The following ZFAND3 variants were observed in gnomAD, a reference collection of about 807,000 sequenced individuals.
ZFAND3 encodes the protein zinc finger AN1-type containing 3.
A neutral mutation model predicts 29.6 loss-of-function variants in ZFAND3; 10 were observed. The ratio of observed to expected loss-of-function variants is 0.34; its 90% CI spans 0.21 to 0.57. The LOEUF is 0.57. ZFAND3 is among the 20% of genes least tolerant of loss of function. ZFAND3 has a pLI of 0.86. For missense variants in ZFAND3, 230 were observed against 304.5 expected (o/e 0.76, Z 1.82); for synonymous variants, 128 against 112.6 (o/e 1.14, Z -0.87).
At chr6:37,916,088 A>T (rs1252381491) in intron 1 of ZFAND3, among the ~76,000 whole-genome samples, 4 of 25,500 alleles carry the variant, frequency 1.6e-4, no homozygotes, top group Non-Finnish European at 3.3e-4. Flanking sequence ...TTTTTAACTT[A>T]AAAAAAAAAA....
At chr6:37,858,231 A>G (rs893808927) in intron 1 of ZFAND3, among the ~76,000 whole-genome samples, 2 of 152,204 alleles carry the variant, frequency 1.3e-5, no homozygotes, top group African/African-American at 4.8e-5. Flanking sequence ...GCCTGGCACA[A>G]TCAGAATATT....
At chr6:38,010,600 T>C in intron 2 of ZFAND3, among the ~76,000 whole-genome samples, 1 of 138,138 alleles carries the variant, frequency 7.2e-6, no homozygotes, top group East Asian at 2.0e-4. Context: ...GCCCCCAACC[T>C]TTTTTTTTTT....
chr6:38,037,549 AATTG>A (rs1763682934), intron 2 of ZFAND3, among the ~76,000 whole-genome samples: 1 of 152,242 alleles, frequency 6.6e-6, no homozygotes, highest in African/African-American at 2.4e-5. Flanking sequence ...AAAAGCATTT[AATTG>A]ATTGAAAAGC....
chr6:38,097,981 C>T (rs1044289971), intron 4 of ZFAND3, among the ~76,000 whole-genome samples: 2 of 152,184 alleles, frequency 1.3e-5, no homozygotes, highest in African/African-American at 4.8e-5. Context: ...CAGAAAGCCC[C>T]TTTGTCCTTT....
chr6:38,030,906 C>T (rs1378893527), intron 2 of ZFAND3, among the ~76,000 whole-genome samples: 1 of 152,122 alleles, frequency 6.6e-6, no homozygotes, highest in East Asian at 1.9e-4. Context: ...ATTCTAGTGT[C>T]TTCTGGAGTT....
intron 1 of ZFAND3, among the ~76,000 whole-genome samples, chr6:37,850,741 A>C (rs1764265382): frequency 6.6e-6 from 1 of 152,206 alleles, no homozygotes; most frequent in African/African-American, 2.4e-5. Context: ...TTCAGAACAT[A>C]TTCCCATTGT....
intron 2 of ZFAND3, among the ~76,000 whole-genome samples, chr6:38,052,334 A>G (rs949149613): frequency 6.6e-6 from 1 of 152,188 alleles, no homozygotes; most frequent in Non-Finnish European, 1.5e-5. Context: ...GTGTGGGGAT[A>G]ATTTATGAAA....
At chr6:37,975,025 A>G (rs2127430060) in intron 2 of ZFAND3, among the ~76,000 whole-genome samples, 1 of 152,340 alleles carries the variant, frequency 6.6e-6, no homozygotes, top group East Asian at 1.9e-4. Flanking sequence ...GGCTGATCAT[A>G]TCATAGGTTG....
chr6:37,941,263 T>A (rs1761805254), intron 2 of ZFAND3, among the ~76,000 whole-genome samples: 1 of 152,244 alleles, frequency 6.6e-6, no homozygotes, highest in Non-Finnish European at 1.5e-5. Context: ...GGAATTGTAC[T>A]GTGAAAACCA....
intron 1 of ZFAND3, among the ~76,000 whole-genome samples, chr6:37,892,708 A>G (rs1436826830): frequency 1.3e-5 from 2 of 152,244 alleles, no homozygotes; most frequent in African/African-American, 4.8e-5. Context: ...ACAAACATTT[A>G]TATAGATTGA....
chr6:37,949,924 C>G (rs1425575873), intron 2 of ZFAND3, among the ~76,000 whole-genome samples: 2 of 152,166 alleles, frequency 1.3e-5, no homozygotes, highest in African/African-American at 4.8e-5. Context: ...ATTATCATTT[C>G]TTCCCACAGG....
intron 5 of ZFAND3, among the ~76,000 whole-genome samples, chr6:38,144,218 A>ATATATATATATATATAATAT (rs1554183997): frequency 3.2e-5 from 1 of 31,448 alleles, no homozygotes; most frequent in African/African-American, 1.9e-4. Context: ...TATAATATAT[A>ATATATATATATATATAATAT]ATATATATAT....
At chr6:38,011,234 A>T (rs1397221767) in intron 2 of ZFAND3, among the ~76,000 whole-genome samples, 1 of 152,132 alleles carries the variant, frequency 6.6e-6, no homozygotes, top group Non-Finnish European at 1.5e-5. Context: ...CCAGTATTGG[A>T]GTATTTTAAG....
At chr6:38,091,421 TTA>T (rs1764865790) in intron 4 of ZFAND3, among the ~76,000 whole-genome samples, 6 of 151,960 alleles carry the variant, frequency 3.9e-5, no homozygotes, top group Non-Finnish European at 8.8e-5. Flanking sequence ...CCAATACTAT[TTA>T]AAAAGCATAT....
intron 2 of ZFAND3, among the ~76,000 whole-genome samples, chr6:38,042,774 A>G (rs960695354): frequency 6.6e-6 from 1 of 152,170 alleles, no homozygotes; most frequent in Non-Finnish European, 1.5e-5. Flanking sequence ...CTAGGTTTAT[A>G]GGGTGTATTT....
At chr6:38,035,550 T>G (rs1328828539) in intron 2 of ZFAND3, among the ~76,000 whole-genome samples, 1 of 152,246 alleles carries the variant, frequency 6.6e-6, no homozygotes, top group Non-Finnish European at 1.5e-5. Context: ...ATTTAGACAC[T>G]GACGAAATAG....
chr6:38,136,154 A>T (rs1765839136), intron 5 of ZFAND3, among the ~76,000 whole-genome samples: 1 of 152,068 alleles, frequency 6.6e-6, no homozygotes, highest in Admixed American at 6.5e-5. Context: ...GCCACCGCTT[A>T]TTTCCTCCTG....
rs139597367 is a variant in ZFAND3, at chr6:38,097,372, C to T, written c.361+14915C>T. The stretch of plus-strand genomic sequence containing the variant: ...AAAGTGCTAGAATTACAGGTGTGAG[C>T]CACCGCACCCAGCCTAGGACTGTTT... On this transcript the variant is annotated intron_variant, in intron 4 of 5. Transcript: ENST00000287218. Among the ~76,000 whole-genome samples, 169 of 151,960 alleles carry T rather than the reference C, an allele frequency of 1.1e-3. 1 individual carries two copies. In the East Asian group the frequency reaches 0.029, roughly 26 times the overall value.
At chr6:37,833,718 C>T (rs145989276) in intron 1 of ZFAND3, among the ~76,000 whole-genome samples, 1,843 of 150,068 alleles carry the variant, frequency 0.012, 22 homozygotes, top group Non-Finnish European at 0.018. Context: ...CCCAGCTACC[C>T]GGGAGGCTGA....
Sources: allele counts gnomAD v4.1 joint callset (sites outside exome capture counted in the v4.1 genomes callset), GRCh38; gene constraint gnomAD v4.1.1; transcripts MANE v1.5; gene names NCBI Gene and HGNC (gene_info 2026-07-23, HGNC 2026-07-21).